Variants in CRYBG3 observed in about 807,000 individuals in gnomAD.
CRYBG3 encodes very large A-kinase anchor protein.
A neutral mutation model predicts 244.2 loss-of-function variants in CRYBG3; 127 were observed. The observed-to-expected ratio is 0.52, with a 90% CI of 0.45 to 0.60. CRYBG3 has a LOEUF of 0.60. Ranked by LOEUF, CRYBG3 falls within the 20% of genes least tolerant of loss-of-function variation. CRYBG3 has a pLI of 0.00. For synonymous variants in CRYBG3, 1,132 were observed against 1,195.8 expected (o/e 0.95, Z 1.10); for missense variants, 3,325 against 3,442.5 (o/e 0.97, Z 0.85).
chr3:97,937,558 C>G (rs2040178109), intron 19 of CRYBG3, among the ~76,000 whole-genome samples: 1 of 152,018 alleles, frequency 6.6e-6, no homozygotes, highest in Non-Finnish European at 1.5e-5. Flanking sequence ...AGAATGCCTC[C>G]CCCACCTTCT....
At chr3:97,892,230 T>C (rs1294984768) in intron 10 of CRYBG3, among the ~76,000 whole-genome samples, 1 of 152,202 alleles carries the variant, frequency 6.6e-6, no homozygotes, top group Non-Finnish European at 1.5e-5. Context: ...AAATGTTTGC[T>C]CAACTTTAAT....
At position 97,874,127 on chromosome 3, in the gene CRYBG3, A is replaced by C. The variant is rs1380112225; in HGVS notation, c.2933A>C (p.Lys978Thr). 2.0e-6 allele frequency: 3 copies of C among 1,534,718 alleles called. No individual in the cohort carries two copies. The highest frequency in any genetic ancestry group is 3.9e-5 in the Admixed American group (2 of 50,746). ...HQSLDICGTKKISGHSEMAEL... is the reference protein window; with the variant it reads ...HQSLDICGTKTISGHSEMAEL... Reference sequence around the variant, plus strand: ...TCTTTGGATATTTGTGGGACTAAAAAGATTTCTGGTCACTCAGAAATGGCG... The same window carrying C: ...TCTTTGGATATTTGTGGGACTAAAACGATTTCTGGTCACTCAGAAATGGCG... The change falls in exon 4 of 22, where the codon AAG (lysine) becomes ACG (threonine). Residue 978 changes from lysine (K) to threonine (T), a missense_variant. By Grantham distance (78) the Lys-to-Thr change is moderately conservative. Around this residue, in one of 4 missense-constraint regions of CRYBG3, gnomAD observed 1,526 missense variants for 1,443.2 expected, o/e 1.06. Coordinates refer to ENST00000389622, the MANE Select transcript of CRYBG3 (RefSeq NM_153605.4).
At position 97,874,857 on chromosome 3, in the gene CRYBG3, G is replaced by A; in HGVS notation, c.3663G>A (p.Val1221=). The change falls in exon 4 of 22, where the codon GTG becomes GTA. Residue 1221 remains valine (V), a synonymous_variant. Transcript: ENST00000389622. Reference sequence around the variant, plus strand: ...AAGAACTAAAATTCAAACACACAGTGAGTACCTGCCAGGAGCATATAGCCA... The same window carrying A: ...AAGAACTAAAATTCAAACACACAGTAAGTACCTGCCAGGAGCATATAGCCA... The part of the protein sequence containing the change: ...VREELKFKHT[V]STCQEHIAIE... The A allele has an allele frequency of 6.5e-7, 1 of 1,535,760 alleles. No individual in the cohort carries two copies. Among genetic ancestry groups the A allele is most frequent in the Admixed American group, 2.0e-5 (1 of 50,962 alleles).
In CRYBG3 at chr3:97,876,444, T is replaced by A; in HGVS notation, c.5250T>A (p.Gly1750=). Residue 1750 remains glycine (G), a synonymous_variant, in exon 4 of 22, where the codon GGT becomes GGA. Transcript: ENST00000389622. ...ACCCAAAGGATACTGAAAGAGACGGTGGCAAAACTGAGGTGATGCCCCTTG... is the reference window on the plus strand; with the variant it reads ...ACCCAAAGGATACTGAAAGAGACGGAGGCAAAACTGAGGTGATGCCCCTTG... The part of the protein sequence containing the change: ...NTYPKDTERD[G]GKTEVMPLAL... 8.1e-7 allele frequency: 1 copy of A among 1,232,094 alleles called. No homozygotes were observed. The highest frequency in any genetic ancestry group is 1.0e-6 in the Non-Finnish European group (1 of 987,954). The allele number at this position is 1,232,094 out of a possible 1,614,324, so 76.3% of individuals were successfully genotyped here.
At chr3:97,869,044 C>T (rs1210765226) in intron 3 of CRYBG3, among the ~76,000 whole-genome samples, 1 of 150,426 alleles carries the variant, frequency 6.6e-6, no homozygotes, top group Non-Finnish European at 1.5e-5. Flanking sequence ...GACTCTGTAT[C>T]TTCATATGTT....
chr3:97,879,368 G>A (rs1358336267), intron 4 of CRYBG3, among the ~76,000 whole-genome samples: 1 of 152,094 alleles, frequency 6.6e-6, no homozygotes, highest in Non-Finnish European at 1.5e-5. Context: ...TTGAACCTCT[G>A]TATGCCCTCA....
chr3:97,852,213 A>G (rs1310988011), intron 2 of CRYBG3, among the ~76,000 whole-genome samples: 1 of 152,190 alleles, frequency 6.6e-6, no homozygotes, highest in Admixed American at 6.5e-5. Flanking sequence ...TTGGAGAAGC[A>G]TGTTATATGA....
rs2040292963 is a variant in CRYBG3, at chr3:97,943,991, T to C, written c.*677T>C. The C allele has an allele frequency of 6.6e-6, 1 of 151,964 alleles. No homozygotes were observed. Among genetic ancestry groups the C allele is most frequent in the Non-Finnish European group, 1.5e-5 (1 of 67,940 alleles). The allele number at this position is 151,964 out of a possible 1,614,324, so 9.4% of individuals were successfully genotyped here. Reference sequence around the variant, plus strand: ...TAAAAAAGTACAAATAAATAACCTATGGCCAAACTTGCACTGTTACGTGTT... The same window carrying C: ...TAAAAAAGTACAAATAAATAACCTACGGCCAAACTTGCACTGTTACGTGTT... On this transcript the variant is annotated 3_prime_UTR_variant, in exon 22 of 22. Transcript: ENST00000389622.
At chr3:97,846,455 T>C (rs2038902472) in intron 2 of CRYBG3, among the ~76,000 whole-genome samples, 1 of 152,250 alleles carries the variant, frequency 6.6e-6, no homozygotes, top group African/African-American at 2.4e-5. Context: ...TGATTATCAA[T>C]GTTCCAGACA....
rs115114355 is a variant in CRYBG3, at chr3:97,843,367, A to G, written c.216+106A>G. ...TTTTACATTTCAAAAAGAACACTGT[A>G]TAATTACTTTTTGTGGAAATCCAGC... is the stretch of plus-strand genomic sequence containing the variant. On this transcript the variant is annotated intron_variant, in intron 2 of 21. Transcript: ENST00000389622. 2,786 of 685,122 alleles carry G rather than the reference A, an allele frequency of 4.1e-3. 55 individuals are homozygous for G. The African/African-American group carries it at 0.043, about 11-fold the overall frequency. 42.4% of individuals were successfully genotyped at this position (685,122 alleles called of 1,614,324 possible).
intron 4 of CRYBG3, 67 bp from the exon 5 acceptor site, chr3:97,879,637 G>T: frequency 8.7e-7 from 1 of 1,150,126 alleles, no homozygotes; most frequent in South Asian, 1.4e-5. Context: ...AGACTGCTAA[G>T]AAAATGAATT....
chr3:97,899,718 T>A (rs62264216), intron 14 of CRYBG3, among the ~76,000 whole-genome samples: 1 of 151,986 alleles, frequency 6.6e-6, no homozygotes, highest in Non-Finnish European at 1.5e-5. Flanking sequence ...TGTTGGTGAA[T>A]TGAGTGATAG....
chr3:97,880,784 A>G (rs2039435721), intron 6 of CRYBG3, among the ~76,000 whole-genome samples: 1 of 152,238 alleles, frequency 6.6e-6, no homozygotes, highest in African/African-American at 2.4e-5. Flanking sequence ...TTTCGTATAG[A>G]CCACATCTAT....
chr3:97,849,179 G>A lies in CRYBG3; in HGVS notation c.216+5918G>A, dbSNP rs528048889. Among the ~76,000 whole-genome samples the A allele has an allele frequency of 6.6e-5, 10 of 152,274 alleles. No homozygotes were observed. The East Asian group carries it at 1.9e-3, about 29-fold the overall frequency. Reference sequence around the variant, plus strand: ...GTTTTAGAATTAACTAAGATAACATGTTAAGTACTGTACAATGCCTGATAC... The same window carrying A: ...GTTTTAGAATTAACTAAGATAACATATTAAGTACTGTACAATGCCTGATAC... On this transcript the variant is annotated intron_variant, in intron 2 of 21. Coordinates refer to ENST00000389622, the MANE Select transcript of CRYBG3 (RefSeq NM_153605.4).
intron 3 of CRYBG3, among the ~76,000 whole-genome samples, chr3:97,868,987 G>T (rs2039269276): frequency 6.6e-6 from 1 of 150,590 alleles, no homozygotes. Flanking sequence ...TAGGTTTTAG[G>T]TATGAAATGT....
chr3:97,888,181 A>G (rs1196276911), intron 8 of CRYBG3, among the ~76,000 whole-genome samples, 160 bp from the exon 9 acceptor site: 1 of 152,182 alleles, frequency 6.6e-6, no homozygotes, highest in Non-Finnish European at 1.5e-5. Context: ...CATGGTAACT[A>G]TTATCGTTAT....
rs2039394272 is a variant in CRYBG3, at chr3:97,877,498, G to A, written c.6304G>A (p.Glu2102Lys). ...CTCACAGGAGGACATTCTATCTAGT[G>A]AGGTTTCACCTGGTCACCATGGCCC... ...DSSQEDILSS[E>K]VSPGHHGPRK... is the part of the protein sequence containing the mutation. Residue 2102 changes from glutamate to lysine, a missense_variant, in exon 4 of 22, where the codon GAG becomes AAG. Physicochemically the swap from Glu to Lys is moderately conservative, Grantham distance 56 (BLOSUM62 1). Around this residue, in one of 4 missense-constraint regions of CRYBG3, gnomAD observed 450 missense variants for 424.1 expected, o/e 1.06. Transcript: ENST00000389622. 1 of 1,614,154 alleles carries A rather than the reference G, an allele frequency of 6.2e-7. No homozygotes were observed. The highest frequency in any genetic ancestry group is 1.3e-5 in the African/African-American group (1 of 75,030).
Position 97,872,913 on chromosome 3 carries a change from G to A in CRYBG3, c.1719G>A (p.Arg573=), listed in dbSNP as rs2039323406. Residue 573 remains arginine, a synonymous_variant, in exon 4 of 22, where the codon AGG becomes AGA. Coordinates refer to ENST00000389622, the MANE Select transcript of CRYBG3 (RefSeq NM_153605.4). ...FETKAKKLDF[R]SHDKIPHIRM... is the part of the protein sequence containing the mutation. ...CCAAAGCCAAAAAGCTTGATTTTAGGTCACATGATAAAATTCCTCATATTA... is the reference window on the plus strand; with the variant it reads ...CCAAAGCCAAAAAGCTTGATTTTAGATCACATGATAAAATTCCTCATATTA... The A allele has an allele frequency of 1.3e-6, 2 of 1,529,950 alleles. No individual in the cohort carries two copies. Among genetic ancestry groups the A allele is most frequent in the Non-Finnish European group, 1.7e-6 (2 of 1,145,368 alleles). 94.8% of individuals were successfully genotyped at this position (1,529,950 alleles called of 1,614,324 possible). A position where few individuals can be genotyped will look rare whatever the true frequency, so the allele number is the denominator to read the frequency against.
rs139756672 is a variant in CRYBG3 at position 97,863,545 on chromosome 3, T to C, written c.217-672T>C. 8.2e-4 allele frequency among the ~76,000 whole-genome samples: 125 copies of C among 152,216 alleles called. 1 individual carries two copies. In the East Asian group the frequency reaches 0.023, roughly 28 times the overall value. On this transcript the variant is annotated intron_variant, in intron 2 of 21. Coordinates refer to ENST00000389622, the MANE Select transcript of CRYBG3 (RefSeq NM_153605.4). ...GAAGGGGTCACAAGTGGGCTCTTTC[T>C]CTGAACTGAAGTACCATGTTACTGT...
Sources: gnomAD v4.1 joint callset for allele counts (sites outside exome capture counted in the v4.1 genomes callset) on GRCh38, gnomAD v4.1.1 for gene constraint, gnomAD v4.1.1 regional missense constraint, MANE v1.5 for transcripts, NCBI Gene and HGNC (gene_info 2026-07-23, HGNC 2026-07-21) for gene names.